ARHGAP19: variants seen among roughly 807,000 people sequenced by gnomAD.
ARHGAP19 encodes the protein rho GTPase-activating protein 19.
A neutral mutation model predicts 60.9 loss-of-function variants in ARHGAP19; 48 were observed. That is an observed-to-expected ratio of 0.79 (90% CI 0.62 to 1.00). The LOEUF (loss-of-function observed/expected upper bound fraction) is 1.00, where lower values mean the gene tolerates loss of function less well. Ranked by LOEUF, ARHGAP19 falls within the 50% of genes least tolerant of loss-of-function variation. The pLI, the probability that ARHGAP19 is intolerant of heterozygous loss-of-function variation, is 0.00. For synonymous variants in ARHGAP19, 209 were observed against 215.5 expected (o/e 0.97, Z 0.27); for missense variants, 562 against 597.2 (o/e 0.94, Z 0.61).
chr10:97,292,179 G>C (rs1237018969), intron 1 of ARHGAP19, among the ~76,000 whole-genome samples: 1 of 152,158 alleles, frequency 6.6e-6, no homozygotes, highest in African/African-American at 2.4e-5. Context: ...ATCCTTGCTC[G>C]GACCTGAACG....
chr10:97,260,832 G>A (rs928157404), intron 4 of ARHGAP19, among the ~76,000 whole-genome samples: 37 of 151,184 alleles, frequency 2.4e-4, no homozygotes, highest in Non-Finnish European at 4.7e-4. Flanking sequence ...AGTGGCACAT[G>A]CCTGTAACCC....
At chr10:97,290,748 C>T (rs932831437) in intron 1 of ARHGAP19, among the ~76,000 whole-genome samples, 5 of 152,120 alleles carry the variant, frequency 3.3e-5, no homozygotes, top group Admixed American at 1.3e-4. Flanking sequence ...CAGTCTATGA[C>T]TAAGATCCAC....
At chr10:97,250,953 CT>C (rs1187078919) in intron 6 of ARHGAP19, among the ~76,000 whole-genome samples, 1 of 151,372 alleles carries the variant, frequency 6.6e-6, no homozygotes, top group African/African-American at 2.4e-5. Context: ...GTCCCAGCTG[CT>C]TGGGAATCTG....
At chr10:97,247,712 AAAAG>A (rs1298599628) in intron 6 of ARHGAP19, among the ~76,000 whole-genome samples, 8 of 143,262 alleles carry the variant, frequency 5.6e-5, no homozygotes, top group East Asian at 2.1e-4. Context: ...GAGGGAGAGA[AAAAG>A]AAAGGATGGA....
Position 97,292,572 on chromosome 10 carries a change from C to T in ARHGAP19, c.56G>A (p.Ser19Asn), listed in dbSNP as rs767208237. ...GGAAACTGGACCAAACTCAGCTCAC[C>T]TCCGGCCGGATTCGCGGGCTGGCAC... ...GEVPARESGR[S>N]DAICSFVICN... is the part of the protein sequence containing the mutation. The change falls in exon 1 of 12, where the codon AGT (serine) becomes AAT (asparagine). Residue 19 changes from serine (S) to asparagine (N), a missense_variant and splice_region_variant. Physicochemically the swap from Ser to Asn is conservative, Grantham distance 46 (BLOSUM62 1). Coordinates refer to ENST00000358531, the MANE Select transcript of ARHGAP19 (RefSeq NM_032900.6). 3.1e-6 allele frequency: 5 copies of T among 1,614,186 alleles called. No individual in the cohort carries two copies. The South Asian group carries it at 4.4e-5, about 14-fold the overall frequency.
intron 3 of ARHGAP19, among the ~76,000 whole-genome samples, chr10:97,264,288 C>CA (rs1433520077): frequency 2.0e-5 from 3 of 152,094 alleles, no homozygotes; most frequent in African/African-American, 7.2e-5. Flanking sequence ...CCCATCTCTA[C>CA]AAAAAACTAC....
intron 6 of ARHGAP19, among the ~76,000 whole-genome samples, chr10:97,255,990 T>C (rs1309479605): frequency 1.3e-5 from 2 of 152,094 alleles, no homozygotes; most frequent in African/African-American, 4.8e-5. Flanking sequence ...ACCCCCAAAA[T>C]TCTACTGGCA....
chr10:97,291,186 G>C (rs117946945), intron 1 of ARHGAP19, among the ~76,000 whole-genome samples: 2 of 152,064 alleles, frequency 1.3e-5, no homozygotes, highest in Non-Finnish European at 2.9e-5. Context: ...AGCCAGCAAC[G>C]GCCACCCACT....
At chr10:97,257,796 T>C (rs1842776036) in intron 5 of ARHGAP19, among the ~76,000 whole-genome samples, 1 of 126,760 alleles carries the variant, frequency 7.9e-6, no homozygotes, top group Admixed American at 8.8e-5. Context: ...AAGTAAAATG[T>C]TTCACACAAT....
At chr10:97,226,250 G>C in intron 11 of ARHGAP19, 118 bp from the exon 12 acceptor site, 1 of 992,790 alleles carries the variant, frequency 1.0e-6, no homozygotes, top group African/African-American at 1.6e-5. Context: ...GAAGGCTAAT[G>C]AGTTTAATTA....
chr10:97,265,749 G>C, intron 2 of ARHGAP19, 111 bp downstream of exon 2: 2 of 1,410,788 alleles, frequency 1.4e-6, no homozygotes, highest in Non-Finnish European at 1.9e-6. Flanking sequence ...TGAAAAAATG[G>C]CCAAAAAATG....
chr10:97,264,588 G>A (rs1324901615), intron 3 of ARHGAP19, among the ~76,000 whole-genome samples: 1 of 152,174 alleles, frequency 6.6e-6, no homozygotes, highest in Non-Finnish European at 1.5e-5. Flanking sequence ...GAGGCAAGAG[G>A]TAAATGTGAC....
rs1850873036 is a variant in ARHGAP19 at position 97,225,204 on chromosome 10, A to C, written c.*918T>G. On this transcript the variant is annotated 3_prime_UTR_variant, in exon 12 of 12. Coordinates refer to ENST00000358531, the MANE Select transcript of ARHGAP19 (RefSeq NM_032900.6). ...ACAAATATTTTAGCAAACTTCTCTT[A>C]TGCTGTCAGTGACTTTCCTTGAGTC... 1 of 152,228 alleles carries C rather than the reference A, an allele frequency of 6.6e-6. No homozygotes were observed. Among genetic ancestry groups the C allele is most frequent in the African/African-American group, 2.4e-5 (1 of 41,456 alleles). 9.4% of individuals were successfully genotyped at this position (152,228 alleles called of 1,614,324 possible). A position where few individuals can be genotyped will look rare whatever the true frequency, so the allele number is the denominator to read the frequency against.
chr10:97,235,218 T>C lies in ARHGAP19; in HGVS notation c.1283A>G (p.Lys428Arg), dbSNP rs1171632113. 2.5e-6 allele frequency: 4 copies of C among 1,609,298 alleles called. No homozygotes were observed. Among genetic ancestry groups the C allele is most frequent in the Non-Finnish European group, 3.4e-6 (4 of 1,175,996 alleles). The change falls in exon 9 of 12, where the codon AAG becomes AGG. Residue 428 changes from lysine (K) to arginine (R), a missense_variant and splice_region_variant. Transcript: ENST00000358531. ...AAAACGACAGCCCAGCATACCTACC[T>C]TAATAAGCCCACTGAAGGAGCGCGA... ...ARSRSFSGLI[K>R]RKVLGNQMMS...
chr10:97,285,887 G>A (rs1014178388), intron 1 of ARHGAP19, among the ~76,000 whole-genome samples: 13 of 152,096 alleles, frequency 8.5e-5, no homozygotes, highest in African/African-American at 3.1e-4. Flanking sequence ...TAACACTACC[G>A]ACCCAATTGT....
intron 8 of ARHGAP19, among the ~76,000 whole-genome samples, chr10:97,240,684 T>C (rs913693402): frequency 8.5e-5 from 13 of 152,218 alleles, no homozygotes; most frequent in Admixed American, 1.3e-4. Context: ...TTTAAAATGT[T>C]CGTAGCCTTT....
intron 5 of ARHGAP19, among the ~76,000 whole-genome samples, chr10:97,256,958 A>C (rs572638836): frequency 6.6e-6 from 1 of 152,246 alleles, no homozygotes; most frequent in East Asian, 1.9e-4. Context: ...CGTCTCTACC[A>C]AAAATACAAA....
At chr10:97,291,286 C>T (rs940537624) in intron 1 of ARHGAP19, among the ~76,000 whole-genome samples, 1 of 151,924 alleles carries the variant, frequency 6.6e-6, no homozygotes, top group Non-Finnish European at 1.5e-5. Context: ...CAAAACAAAA[C>T]AAAAAAGAGT....
At chr10:97,253,647 T>C (rs1415178491) in intron 6 of ARHGAP19, among the ~76,000 whole-genome samples, 1 of 152,196 alleles carries the variant, frequency 6.6e-6, no homozygotes, top group Non-Finnish European at 1.5e-5. Context: ...GGACTTGAAA[T>C]GTCCCCAACA....
Sources: gnomAD v4.1 joint callset for allele counts (sites outside exome capture counted in the v4.1 genomes callset) on GRCh38, gnomAD v4.1.1 for gene constraint, MANE v1.5 for transcripts, NCBI Gene and HGNC (gene_info 2026-07-23, HGNC 2026-07-21) for gene names.